Variants in B3GLCT observed in about 807,000 individuals in gnomAD.
B3GLCT encodes beta-1,3-glucosyltransferase.
A neutral mutation model predicts 63.4 loss-of-function variants in B3GLCT; 65 were observed. The observed-to-expected ratio is 1.03, with a 90% CI of 0.84 to 1.26. The LOEUF is 1.26. Ranked by LOEUF, B3GLCT falls within the 50% of genes most tolerant of loss-of-function variation. B3GLCT has a pLI of 0.00. For synonymous variants in B3GLCT, 233 were observed against 219.2 expected, an observed-to-expected ratio of 1.06 and a Z score of -0.55; for missense variants, 577 against 604.8, an observed-to-expected ratio of 0.95 and a Z score of 0.48.
chr13:31,220,510 C>T (rs1869761444), intron 2 of B3GLCT, among the ~76,000 whole-genome samples: 2 of 152,154 alleles, frequency 1.3e-5, no homozygotes, highest in Non-Finnish European at 2.9e-5. Context: ...TAAAACAAAC[C>T]ATGTGTTTCC....
At chr13:31,211,143 T>A (rs575093787) in intron 1 of B3GLCT, among the ~76,000 whole-genome samples, 21 of 152,262 alleles carry the variant, frequency 1.4e-4, no homozygotes, top group African/African-American at 5.1e-4. Context: ...GCCTGTAATC[T>A]CAGCACTTTG....
chr13:31,222,962 A>G lies in B3GLCT; in HGVS notation c.131A>G (p.Lys44Arg). 1 of 1,523,064 alleles carries G rather than the reference A, an allele frequency of 6.6e-7. No individual in the cohort carries two copies. The highest frequency in any genetic ancestry group is 9.1e-7 in the Non-Finnish European group (1 of 1,097,806). The allele number at this position is 1,523,064 out of a possible 1,614,324, so 94.3% of individuals were successfully genotyped here. Residue 44 changes from lysine (K) to arginine (R), a missense_variant, in exon 3 of 15, where the codon AAA becomes AGA. Physicochemically the swap from Lys to Arg is conservative, Grantham distance 26 (BLOSUM62 2). Coordinates refer to ENST00000343307, the MANE Select transcript of B3GLCT (RefSeq NM_194318.4). ...KEVKQSQDLE[K>R]SGISRKNDID... ...TCATTTAAAATACAGGATTTGGAGA[A>G]AAGTGGTATATCAAGGAAAAATGAC...
At position 31,257,211 on chromosome 13, in the gene B3GLCT, G is replaced by A. The variant is rs1219362491; in HGVS notation, c.460-3735G>A. ...GTATTTGCAACCAGAGGTTTTAATCGTGAAAGGTTTTAATAGTGAAAGATT... is the reference window on the plus strand; with the variant it reads ...GTATTTGCAACCAGAGGTTTTAATCATGAAAGGTTTTAATAGTGAAAGATT... On this transcript the variant is annotated intron_variant, in intron 6 of 14. Transcript: ENST00000343307. Among the ~76,000 whole-genome samples the A allele has an allele frequency of 2.0e-5, 3 of 152,054 alleles. No homozygotes were observed. In the East Asian group the frequency reaches 5.8e-4, roughly 29 times the overall value.
intron 10 of B3GLCT, among the ~76,000 whole-genome samples, chr13:31,281,330 T>C (rs1873059430): frequency 6.6e-6 from 1 of 152,162 alleles, no homozygotes; most frequent in Non-Finnish European, 1.5e-5. Flanking sequence ...TGTGGTCTTG[T>C]CTAGAGGCAA....
At chr13:31,261,142 A>G in intron 7 of B3GLCT, 60 bp downstream of exon 7, 1 of 1,564,760 alleles carries the variant, frequency 6.4e-7, no homozygotes, top group Non-Finnish European at 8.8e-7. Flanking sequence ...CTTTAATTTC[A>G]TTGAGTACTG....
chr13:31,200,220 C>T, intron 1 of B3GLCT, 66 bp downstream of exon 1: 1 of 1,056,546 alleles, frequency 9.5e-7, no homozygotes, highest in East Asian at 5.1e-5. Flanking sequence ...TCGCCCGTGC[C>T]CCGGTCGGCG....
At chr13:31,273,417 A>C (rs146372353) in intron 8 of B3GLCT, among the ~76,000 whole-genome samples, 1 of 152,192 alleles carries the variant, frequency 6.6e-6, no homozygotes. Flanking sequence ...AAATGTGCTT[A>C]CTTGTTTTGT....
intron 7 of B3GLCT, among the ~76,000 whole-genome samples, chr13:31,265,851 G>A (rs918181252): frequency 2.0e-5 from 3 of 152,086 alleles, no homozygotes; most frequent in African/African-American, 7.2e-5. Context: ...GACTGAAAAA[G>A]TTAGCTAGGA....
chr13:31,321,696 A>G (rs550704370), intron 13 of B3GLCT, among the ~76,000 whole-genome samples: 8 of 152,190 alleles, frequency 5.3e-5, no homozygotes, highest in African/African-American at 7.2e-5. Flanking sequence ...TCAGACATGT[A>G]GGTTCCTGTG....
intron 2 of B3GLCT, among the ~76,000 whole-genome samples, chr13:31,215,603 G>A (rs151094538): frequency 0.011 from 1,707 of 152,102 alleles, 16 homozygotes; most frequent in Non-Finnish European, 0.019. Flanking sequence ...TAGTGGAGAC[G>A]GGGTTTCATC....
intron 10 of B3GLCT, among the ~76,000 whole-genome samples, chr13:31,281,254 T>A (rs548717268): frequency 1.2e-3 from 188 of 152,198 alleles, no homozygotes; most frequent in African/African-American, 4.4e-3. Context: ...CTCTTAAAAA[T>A]TAGCACTATA....
chr13:31,311,062 A>AG (rs1230450138), intron 12 of B3GLCT, among the ~76,000 whole-genome samples: 1 of 152,236 alleles, frequency 6.6e-6, no homozygotes, highest in Non-Finnish European at 1.5e-5. Flanking sequence ...TGGCTGGTGA[A>AG]GCAGCACTGA....
chr13:31,276,637 C>G (rs939901475), intron 9 of B3GLCT, 65 bp from the exon 10 acceptor site: 7 of 973,112 alleles, frequency 7.2e-6, no homozygotes, highest in Admixed American at 5.2e-5. Context: ...CGTGTGAGAT[C>G]TAGTGTGGGT....
intron 10 of B3GLCT, among the ~76,000 whole-genome samples, chr13:31,279,125 A>C (rs914625743): frequency 3.9e-5 from 6 of 152,180 alleles, no homozygotes; most frequent in Non-Finnish European, 8.8e-5. Context: ...ACTTGGCCAG[A>C]AGCTGTGAAA....
chr13:31,323,697 C>T (rs1875447504), intron 13 of B3GLCT, 54 bp from the exon 14 acceptor site: 4 of 1,607,194 alleles, frequency 2.5e-6, no homozygotes, highest in Non-Finnish European at 3.4e-6. Context: ...ATTTGTGCAG[C>T]AGCGGTGTCT....
chr13:31,321,502 T>C (rs973682095), intron 13 of B3GLCT, among the ~76,000 whole-genome samples: 1 of 152,250 alleles, frequency 6.6e-6, no homozygotes, highest in Non-Finnish European at 1.5e-5. Flanking sequence ...AGGGTAAGTA[T>C]TGTTTGTGAC....
intron 12 of B3GLCT, among the ~76,000 whole-genome samples, chr13:31,294,883 G>A (rs1015653559): frequency 2.0e-5 from 3 of 152,022 alleles, no homozygotes; most frequent in African/African-American, 7.3e-5. Context: ...TGGGAGAAGA[G>A]GCATTCTGGT....
At position 31,200,017 on chromosome 13, in the gene B3GLCT, C is replaced by T. The variant is rs1400999221; in HGVS notation, c.-68C>T. ...GGCGGCAGGGCGGCGGCGGCAGCGGCGCAGCTCCGCTCCCCGCGCGTCTCC... is the reference window on the plus strand; with the variant it reads ...GGCGGCAGGGCGGCGGCGGCAGCGGTGCAGCTCCGCTCCCCGCGCGTCTCC... On this transcript the variant is annotated 5_prime_UTR_variant, in exon 1 of 15. Coordinates refer to ENST00000343307, the MANE Select transcript of B3GLCT (RefSeq NM_194318.4). The T allele has an allele frequency of 2.4e-5, 25 of 1,032,090 alleles. No individual in the cohort carries two copies. In the East Asian group the frequency reaches 8.8e-4, roughly 36 times the overall value. The allele number at this position is 1,032,090 out of a possible 1,614,324, so 63.9% of individuals were successfully genotyped here. A position where few individuals can be genotyped will look rare whatever the true frequency, so the allele number is the denominator to read the frequency against.
At chr13:31,251,836 G>A (rs1940911747) in intron 6 of B3GLCT, among the ~76,000 whole-genome samples, 1 of 152,136 alleles carries the variant, frequency 6.6e-6, no homozygotes, top group Admixed American at 6.5e-5. Flanking sequence ...TAGCAAAGCA[G>A]GTCAACATTC....
Sources: gnomAD v4.1 joint callset for allele counts (sites outside exome capture counted in the v4.1 genomes callset) on GRCh38, gnomAD v4.1.1 for gene constraint, MANE v1.5 for transcripts, NCBI Gene and HGNC (gene_info 2026-07-23, HGNC 2026-07-21) for gene names.